The following UBAP2 variants were observed in gnomAD, a reference collection of about 807,000 sequenced individuals.
UBAP2 encodes ubiquitin associated protein 2, also known as ubiquitin-associated protein 2.
A neutral mutation model predicts 139.6 loss-of-function variants in UBAP2; 75 were observed. The ratio of observed to expected loss-of-function variants is 0.54; its 90% CI spans 0.45 to 0.65. UBAP2 has a LOEUF of 0.65. Ranked by LOEUF, UBAP2 falls within the 30% of genes least tolerant of loss-of-function variation. The pLI is 0.00. For synonymous variants in UBAP2, 526 were observed against 526.2 expected, an observed-to-expected ratio of 1.00 and a Z score of 0.01; for missense variants, 1,368 against 1,369.6, an observed-to-expected ratio of 1.00 and a Z score of 0.02.
In UBAP2 at chr9:33,922,721, T is replaced by C; in HGVS notation, c.3230A>G (p.Gln1077Arg). 2 of 1,551,192 alleles carry C rather than the reference T, an allele frequency of 1.3e-6. No homozygotes were observed. The highest frequency in any genetic ancestry group is 2.3e-5 in the East Asian group (1 of 44,430). Reference sequence around the variant, plus strand: ...CTGCGGAAGGTGGTGGTGCAGCAGCTGTGAGTGGGGCTGCTGGTGGGCTGG... The same window carrying C: ...CTGCGGAAGGTGGTGGTGCAGCAGCCGTGAGTGGGGCTGCTGGTGGGCTGG... ...ILPAHQQPHS[Q>R]LLHHHLPQDA... Residue 1077 changes from glutamine (Q) to arginine (R), a missense_variant, in exon 28 of 29, where the codon CAG (glutamine) becomes CGG (arginine). Coordinates refer to ENST00000379238, the MANE Select transcript of UBAP2 (RefSeq NM_001370062.2).
At chr9:34,035,918 A>G (rs2131348205) in intron 1 of UBAP2, among the ~76,000 whole-genome samples, 1 of 151,734 alleles carries the variant, frequency 6.6e-6, no homozygotes, top group Non-Finnish European at 1.5e-5. Flanking sequence ...GAGTGGGGGA[A>G]ATCGCTTGAG....
chr9:34,028,722 C>T (rs548552628), intron 1 of UBAP2, among the ~76,000 whole-genome samples: 1 of 151,818 alleles, frequency 6.6e-6, no homozygotes, highest in African/African-American at 2.4e-5. Context: ...GGACTCTTCA[C>T]CCTGGAATCT....
At chr9:34,019,688 TACACACACACACACAC>T (rs56358132) in intron 1 of UBAP2, among the ~76,000 whole-genome samples, 29 of 144,752 alleles carry the variant, frequency 2.0e-4, no homozygotes, top group East Asian at 1.4e-3. Context: ...TACATTTTAC[TACACACACACACACAC>T]ACACACACAC....
intron 1 of UBAP2, among the ~76,000 whole-genome samples, chr9:34,017,665 G>A (rs960030021): frequency 1.3e-5 from 2 of 152,224 alleles, no homozygotes; most frequent in South Asian, 2.1e-4. Context: ...GGTGGCTCAC[G>A]CCTGTAATCC....
intron 2 of UBAP2, among the ~76,000 whole-genome samples, chr9:34,010,725 TGGGGTGGTAGATGTGTTAAACAG>T (rs933452208): frequency 1.1e-4 from 17 of 152,214 alleles, no homozygotes; most frequent in South Asian, 4.1e-4. Flanking sequence ...GGCGGCGGCT[TGGGGTGGTAGATGTGTTAAACAG>T]GAGCTACAAC....
intron 2 of UBAP2, among the ~76,000 whole-genome samples, chr9:34,010,977 G>T (rs956983593): frequency 6.6e-6 from 1 of 152,140 alleles, no homozygotes; most frequent in East Asian, 1.9e-4. Flanking sequence ...GGGGGAACCA[G>T]GAACAAATAA....
chr9:34,039,559 C>T lies in UBAP2; in HGVS notation c.-42+9266G>A, dbSNP rs1243512478. 3.3e-5 allele frequency among the ~76,000 whole-genome samples: 5 copies of T among 152,090 alleles called. No individual in the cohort carries two copies. The East Asian group carries it at 5.8e-4, about 18-fold the overall frequency. ...GTTAATCTATAACCTTACCCCCAAC[C>T]CCGTGCTCTCTGAAACATGTGCTGT... On this transcript the variant is annotated intron_variant, in intron 1 of 28. Transcript: ENST00000379238.
chr9:34,035,371 G>A (rs1360728552), intron 1 of UBAP2, among the ~76,000 whole-genome samples: 3 of 150,464 alleles, frequency 2.0e-5, no homozygotes, highest in African/African-American at 4.9e-5. Flanking sequence ...GCATGATGGC[G>A]GGTGCCTGTA....
rs144811630 is a variant in UBAP2, at chr9:33,934,898, C to G, written c.1969+941G>C. On this transcript the variant is annotated intron_variant, in intron 17 of 28. Coordinates refer to ENST00000379238, the MANE Select transcript of UBAP2 (RefSeq NM_001370062.2). Reference sequence around the variant, plus strand: ...AACAGCCTTGGCAGCCCAACAATACCAGCAAATGTCAAACCAAAATCCTGG... The same window carrying G: ...AACAGCCTTGGCAGCCCAACAATACGAGCAAATGTCAAACCAAAATCCTGG... Among the ~76,000 whole-genome samples, 557 of 152,246 alleles carry G rather than the reference C, an allele frequency of 3.7e-3. 3 individuals are homozygous for G. The highest frequency in any genetic ancestry group is 0.012 in the African/African-American group (504 of 41,540).
intron 16 of UBAP2, 84 bp from the exon 17 acceptor site, chr9:33,935,962 T>A: frequency 8.1e-7 from 1 of 1,238,848 alleles, no homozygotes; most frequent in Non-Finnish European, 1.1e-6. Context: ...CTACAACATG[T>A]AGCTTAATCA....
chr9:33,984,895 A>T (rs2131127180), intron 6 of UBAP2, among the ~76,000 whole-genome samples: 1 of 152,340 alleles, frequency 6.6e-6, no homozygotes, highest in Middle Eastern at 3.4e-3. Context: ...AGATTGCCTG[A>T]ACCCAGGAGT....
At chr9:33,945,655 TAGACAGAC>T (rs752768859) in intron 13 of UBAP2, among the ~76,000 whole-genome samples, 4 of 152,174 alleles carry the variant, frequency 2.6e-5, no homozygotes, top group African/African-American at 9.7e-5. Context: ...ACAATATATA[TAGACAGAC>T]AGACAGACAG....
At chr9:33,958,913 C>T (rs1826793647) in intron 10 of UBAP2, among the ~76,000 whole-genome samples, 1 of 151,702 alleles carries the variant, frequency 6.6e-6, no homozygotes, top group Non-Finnish European at 1.5e-5. Context: ...CTTTGAGAAG[C>T]CAAGTCGGAC....
chr9:34,027,402 AATTT>A (rs929307950), intron 1 of UBAP2, among the ~76,000 whole-genome samples: 9 of 151,848 alleles, frequency 5.9e-5, no homozygotes, highest in Admixed American at 2.0e-4. Context: ...AATCCACTTG[AATTT>A]ATTTATTAAA....
chr9:33,941,867 A>T lies in UBAP2; in HGVS notation c.1716-5T>A, dbSNP rs1252374788. The T allele has an allele frequency of 6.2e-7, 1 of 1,604,504 alleles. No individual in the cohort carries two copies. Among genetic ancestry groups the T allele is most frequent in the East Asian group, 2.2e-5 (1 of 44,736 alleles). ...AAAGATGTATTCAAAGGCTCACTGA[A>T]AAGAGTCAAAAATATTCAACATAAT... On this transcript the variant is annotated splice_region_variant and splice_polypyrimidine_tract_variant and intron_variant, in intron 15 of 28. Coordinates refer to ENST00000379238, the MANE Select transcript of UBAP2 (RefSeq NM_001370062.2).
intron 2 of UBAP2, among the ~76,000 whole-genome samples, chr9:34,016,186 GAGGAATAGA>G (rs1443154900): frequency 4.9e-5 from 3 of 61,844 alleles, no homozygotes; most frequent in Non-Finnish European, 9.1e-5. Context: ...GGAGGAAGAG[GAGGAATAGA>G]AGGAAGAGGA....
At position 33,944,633 on chromosome 9, in the gene UBAP2, T is replaced by A; in HGVS notation, c.1277A>T (p.Lys426Ile). Residue 426 changes from lysine (K) to isoleucine (I), a missense_variant, in exon 14 of 29, where the codon AAA (lysine) becomes ATA (isoleucine). Lys to Ile is a moderately radical substitution (Grantham distance 102). Transcript: ENST00000379238. ...AACTGGGGATGGCTCAGGTTGAGAT[T>A]TGAAGTCTAAAAAAAGTAAGCAGCA... ...QSSVLSHLDF[K>I]SQPEPSPVLS... 2 of 1,611,736 alleles carry A rather than the reference T, an allele frequency of 1.2e-6. No individual in the cohort carries two copies. The highest frequency in any genetic ancestry group is 1.7e-6 in the Non-Finnish European group (2 of 1,178,026).
chr9:33,979,576 C>G (rs1270777975), intron 6 of UBAP2, among the ~76,000 whole-genome samples: 1 of 150,980 alleles, frequency 6.6e-6, no homozygotes, highest in Non-Finnish European at 1.5e-5. Flanking sequence ...ATTCCCGTCT[C>G]AAAAAATAAA....
chr9:34,027,218 C>T (rs1825473499), intron 1 of UBAP2, among the ~76,000 whole-genome samples: 1 of 152,094 alleles, frequency 6.6e-6, no homozygotes, highest in African/African-American at 2.4e-5. Context: ...CGGTGGCTCA[C>T]ACCTGTAATC....
Sources: gnomAD v4.1 joint callset for allele counts (sites outside exome capture counted in the v4.1 genomes callset) on GRCh38, gnomAD v4.1.1 for gene constraint, MANE v1.5 for transcripts, NCBI Gene and HGNC (gene_info 2026-07-23, HGNC 2026-07-21) for gene names.